The following NHSL1 variants were observed in gnomAD, a reference collection of about 807,000 sequenced individuals.
The protein encoded by NHSL1 is NHS-like protein 1.
Under a neutral mutation model 95.0 loss-of-function variants are expected in NHSL1, and 48 were observed. The ratio of observed to expected loss-of-function variants is 0.51; its 90% confidence interval spans 0.40 to 0.64. The LOEUF (loss-of-function observed/expected upper bound fraction) is 0.64. Ranked by LOEUF, NHSL1 falls within the 30% of genes least tolerant of loss-of-function variation. The pLI is 0.00. For missense variants in NHSL1, 1,971 were observed against 2,077.7 expected (o/e 0.95, Z 1.00); for synonymous variants, 783 against 833.9 (o/e 0.94, Z 1.05).
At position 138,432,609 on chromosome 6, in the gene NHSL1, G is replaced by A. The variant is rs999380641; in HGVS notation, c.1736C>T (p.Thr579Ile). ...CAAACTGCAGCTGCTCATGTTACTT[G>A]TGGGAGTGGAATAGCCAGGAGTTGC... Reference protein sequence around the residue: ...HLATPGYSTPTSNMSSCSLDQ... With the variant: ...HLATPGYSTPISNMSSCSLDQ... The change falls in exon 6 of 8, where the codon ACA (threonine) becomes ATA (isoleucine). Residue 579 changes from threonine to isoleucine, a missense_variant. Physicochemically the swap from Thr to Ile is moderately conservative, Grantham distance 89 (BLOSUM62 -1). Coordinates refer to ENST00000343505, the MANE Select transcript of NHSL1 (RefSeq NM_001144060.2). This position sits in a 1 kb window ranked among gnomAD's most constrained non-coding sequence, Gnocchi z 4.4. 2.6e-6 allele frequency: 4 copies of A among 1,551,576 alleles called. No individual in the cohort carries two copies. Among genetic ancestry groups the A allele is most frequent in the African/African-American group, 1.4e-5 (1 of 73,024 alleles).
intron 1 of NHSL1, among the ~76,000 whole-genome samples, chr6:138,510,430 G>A (rs1281422145): frequency 6.6e-6 from 1 of 152,232 alleles, no homozygotes; most frequent in African/African-American, 2.4e-5. Context: ...TAACCTAAAT[G>A]AGGATAATAT....
chr6:138,458,910 T>C (rs1269156232), intron 3 of NHSL1, among the ~76,000 whole-genome samples: 1 of 152,138 alleles, frequency 6.6e-6, no homozygotes, highest in Non-Finnish European at 1.5e-5. Context: ...ATAAATTAAC[T>C]TGGGCAGAAT....
At chr6:138,489,843 A>AGAGAGG (rs1779939159) in intron 2 of NHSL1, among the ~76,000 whole-genome samples, 1 of 71,600 alleles carries the variant, frequency 1.4e-5, no homozygotes, top group African/African-American at 7.2e-5. Flanking sequence ...AGAGAGAGAG[A>AGAGAGG]GGGAGAGAGG....
Position 138,432,452 on chromosome 6 carries a change from G to C in NHSL1, c.1893C>G (p.Asn631Lys). Residue 631 changes from asparagine (N) to lysine (K), a missense_variant, in exon 6 of 8, where the codon AAC (asparagine) becomes AAG (lysine). By Grantham distance (94) the Asn-to-Lys change is moderately conservative (BLOSUM62 0). Around this residue, in one of 3 missense-constraint regions of NHSL1, gnomAD observed 1,602 missense variants for 1,654.5 expected, o/e 0.97. Coordinates refer to ENST00000343505, the MANE Select transcript of NHSL1 (RefSeq NM_001144060.2). The surrounding 1 kb of genome is among the most constrained non-coding windows in gnomAD (Gnocchi z 4.4). ...NLCNSSDGFG[N>K]PRHSVINVFV... ...AAACATTGATCACGCTGTGCCTGGG[G>C]TTCCCAAAGCCATCACTGCTATTGC... The C allele has an allele frequency of 6.4e-7, 1 of 1,552,322 alleles. No individual in the cohort carries two copies. Among genetic ancestry groups the C allele is most frequent in the Non-Finnish European group, 8.7e-7 (1 of 1,147,140 alleles).
intron 1 of NHSL1, among the ~76,000 whole-genome samples, chr6:138,562,751 C>CT (rs529978050): frequency 2.6e-4 from 40 of 152,188 alleles, no homozygotes; most frequent in African/African-American, 9.4e-4. Flanking sequence ...TCAACGAGAA[C>CT]TTTGTCTTTT....
At chr6:138,689,386 T>C (rs1785629238) in intron 1 of NHSL1, among the ~76,000 whole-genome samples, 1 of 152,018 alleles carries the variant, frequency 6.6e-6, no homozygotes, top group African/African-American at 2.4e-5. Flanking sequence ...ACATGCATTC[T>C]CCCCAAGGCA....
At chr6:138,640,546 C>T (rs548904757) in intron 1 of NHSL1, among the ~76,000 whole-genome samples, 65 of 152,230 alleles carry the variant, frequency 4.3e-4, no homozygotes, top group African/African-American at 1.5e-3. Context: ...TGATCCACTT[C>T]CACTAATGAA....
At chr6:138,672,952 G>C (rs1183395173) in intron 1 of NHSL1, among the ~76,000 whole-genome samples, 4 of 152,128 alleles carry the variant, frequency 2.6e-5, no homozygotes, top group Non-Finnish European at 5.9e-5. Context: ...GGGAGGCAGA[G>C]GTTGCAGTGA....
At chr6:138,618,566 ATATCT>A (rs1231738575) in intron 1 of NHSL1, among the ~76,000 whole-genome samples, 1 of 152,238 alleles carries the variant, frequency 6.6e-6, no homozygotes, top group Non-Finnish European at 1.5e-5. Context: ...CAGATGTATG[ATATCT>A]TAGCAACAAG....
chr6:138,626,189 A>C (rs1226146583), intron 1 of NHSL1, among the ~76,000 whole-genome samples: 1 of 152,228 alleles, frequency 6.6e-6, no homozygotes, highest in Non-Finnish European at 1.5e-5. Flanking sequence ...CCTAGCCAAC[A>C]AATCAGTGAA....
chr6:138,619,788 A>C (rs1784629086), intron 1 of NHSL1, among the ~76,000 whole-genome samples: 1 of 152,024 alleles, frequency 6.6e-6, no homozygotes, highest in East Asian at 1.9e-4. Context: ...TCTCTACTAA[A>C]AATACAAAAA....
intron 1 of NHSL1, among the ~76,000 whole-genome samples, chr6:138,536,405 A>G (rs1401458914): frequency 6.6e-6 from 1 of 152,190 alleles, no homozygotes; most frequent in Non-Finnish European, 1.5e-5. Flanking sequence ...TTTTAGCATT[A>G]AAAGTTCTCA....
intron 1 of NHSL1, among the ~76,000 whole-genome samples, chr6:138,652,921 C>T (rs1009395075): frequency 1.3e-5 from 2 of 152,174 alleles, no homozygotes; most frequent in South Asian, 2.1e-4. Context: ...AACATAAGAT[C>T]GGCACTGGGA....
At chr6:138,464,715 CTTTTTTT>C (rs1157342436) in intron 3 of NHSL1, among the ~76,000 whole-genome samples, 1 of 119,024 alleles carries the variant, frequency 8.4e-6, no homozygotes, top group Non-Finnish European at 1.7e-5. Flanking sequence ...TTTTTCTTTT[CTTTTTTT>C]TTTTTTTTGA....
intron 1 of NHSL1, among the ~76,000 whole-genome samples, chr6:138,618,892 CAT>C (rs1172969952): frequency 6.6e-6 from 1 of 152,192 alleles, no homozygotes; most frequent in Non-Finnish European, 1.5e-5. Context: ...CTAAAGACCA[CAT>C]GTCATGACCC....
chr6:138,650,855 G>C, intron 1 of NHSL1: 1 of 541,520 alleles, frequency 1.8e-6, no homozygotes, highest in Non-Finnish European at 3.8e-6. Flanking sequence ...AGTGAAGAGG[G>C]CGTTGGACAT....
chr6:138,546,867 A>G (rs983507262), upstream of NHSL1, among the ~76,000 whole-genome samples: 1 of 152,226 alleles, frequency 6.6e-6, no homozygotes, highest in Non-Finnish European at 1.5e-5. Flanking sequence ...GGAAAGTGGC[A>G]GAAGGAATCT....
chr6:138,575,340 G>A (rs544635570), upstream of NHSL1, among the ~76,000 whole-genome samples: 22 of 152,252 alleles, frequency 1.4e-4, no homozygotes, highest in Non-Finnish European at 2.4e-4. Flanking sequence ...CCCCAACCCT[G>A]TACACTTCAA....
chr6:138,422,102 A>C lies in NHSL1; in HGVS notation c.*1979T>G, dbSNP rs1413069721. Reference sequence around the variant, plus strand: ...AATACAAATGTATATTTTTCATTAAAAATGGGGATTTAAAAATAGTTTTAT... The same window carrying C: ...AATACAAATGTATATTTTTCATTAACAATGGGGATTTAAAAATAGTTTTAT... On this transcript the variant is annotated 3_prime_UTR_variant, in exon 8 of 8. Transcript: ENST00000343505. 1 of 152,278 alleles carries C rather than the reference A, an allele frequency of 6.6e-6. No homozygotes were observed. The highest frequency in any genetic ancestry group is 1.5e-5 in the Non-Finnish European group (1 of 68,052). 9.4% of individuals were successfully genotyped at this position (152,278 alleles called of 1,614,324 possible).
Sources: gnomAD v4.1 joint callset for allele counts (sites outside exome capture counted in the v4.1 genomes callset) on GRCh38, gnomAD v4.1.1 for gene constraint, gnomAD v4.1.1 regional missense constraint, Gnocchi (gnomAD v3.1) non-coding constraint, MANE v1.5 for transcripts, NCBI Gene and HGNC (gene_info 2026-07-23, HGNC 2026-07-21) for gene names.